Variants in MYO3A observed in about 807,000 individuals in gnomAD.
MYO3A encodes the protein myosin IIIA.
Under a neutral mutation model 192.7 loss-of-function variants are expected in MYO3A, and 180 were observed. The observed-to-expected ratio is 0.93, with a 90% CI of 0.83 to 1.06. The LOEUF (loss-of-function observed/expected upper bound fraction) is 1.06. Among genes scored for constraint, MYO3A ranks in the 50% least tolerant of loss-of-function variants. MYO3A has a pLI of 0.00. For missense variants in MYO3A, 1,896 were observed against 1,905.0 expected (o/e 1.00, Z 0.09); for synonymous variants, 628 against 645.3 (o/e 0.97, Z 0.41).
In MYO3A at chr10:25,988,414, GA is replaced by G. The variant is rs533472844; in HGVS notation, c.304-8073del. 3.0e-3 allele frequency among the ~76,000 whole-genome samples: 459 copies of G among 152,132 alleles called. 1 individual carries two copies. The highest frequency in any genetic ancestry group is 5.0e-3 in the Non-Finnish European group (343 of 67,984). Reference sequence around the variant, plus strand: ...AATAAAAAAATAGAATGGCTTTAATGAAACACCTCACAATGTCAAGTGCTGA... The same window carrying G: ...AATAAAAAAATAGAATGGCTTTAATGAACACCTCACAATGTCAAGTGCTGA... On this transcript the variant is annotated intron_variant, in intron 4 of 34. Transcript: ENST00000642920.
rs991551754 is a variant in MYO3A, at chr10:26,094,892, G to A, written c.1563-1489G>A. On this transcript the variant is annotated intron_variant, in intron 15 of 34. Transcript: ENST00000642920. ...CATATCATGAAGTGGGCTTTTTTCC[G>A]TTCCATGTACTTCATATGGAAAAGA... Among the ~76,000 whole-genome samples, 15 of 152,028 alleles carry A rather than the reference G, an allele frequency of 9.9e-5. 1 individual carries two copies. Among genetic ancestry groups the A allele is most frequent in the Non-Finnish European group, 1.6e-4 (11 of 68,008 alleles).
At chr10:26,191,144 A>G (rs915471910) in intron 31 of MYO3A, among the ~76,000 whole-genome samples, 1 of 152,236 alleles carries the variant, frequency 6.6e-6, no homozygotes. Flanking sequence ...CTTGCCATTC[A>G]GATTCAAATG....
In MYO3A at chr10:26,077,233, G is replaced by GTTTTTTTTTTTTTTTTTTTTTTTTTTTT. The variant is rs34464120; in HGVS notation, c.1359+6854_1359+6855insTTTTTTTTTTTTTTTTTTTTTTTTTTTT. ...CTCCTTGGTTAGGTATATTCCTAAG[G>GTTTTTTTTTTTTTTTTTTTTTTTTTTTT]TTTTTTTTTTTTTTTTTTTTTTGCA... is the stretch of plus-strand genomic sequence containing the variant. On this transcript the variant is annotated intron_variant, in intron 14 of 34. Coordinates refer to ENST00000642920, the MANE Select transcript of MYO3A (RefSeq NM_017433.5). 5.5e-4 allele frequency among the ~76,000 whole-genome samples: 20 copies of GTTTTTTTTTTTTTTTTTTTTTTTTTTTT among 36,294 alleles called. 4 individuals carry two copies. The highest frequency in any genetic ancestry group is 5.8e-4 in the Non-Finnish European group (11 of 19,038). The allele number at this position is 36,294 out of a possible 152,430, so 23.8% of individuals were successfully genotyped here. A position where few individuals can be genotyped will look rare whatever the true frequency, so the allele number is the denominator to read the frequency against.
At chr10:25,983,211 C>T (rs1414569230) in intron 4 of MYO3A, among the ~76,000 whole-genome samples, 2 of 151,120 alleles carry the variant, frequency 1.3e-5, no homozygotes, top group African/African-American at 4.9e-5. Flanking sequence ...AACTTCAGAG[C>T]TTGAAAACAA....
intron 2 of MYO3A, among the ~76,000 whole-genome samples, chr10:25,943,247 A>G (rs951128568): frequency 2.2e-4 from 33 of 151,958 alleles, no homozygotes; most frequent in Middle Eastern, 3.4e-3. Context: ...ATTTCACTCT[A>G]TTTGTCTATG....
intron 10 of MYO3A, among the ~76,000 whole-genome samples, chr10:26,049,673 C>CTTTTTTTTTTTTTTTTTTTTT (rs66467075): frequency 4.3e-5 from 3 of 69,114 alleles, no homozygotes; most frequent in Non-Finnish European, 3.0e-5. Flanking sequence ...TTCTTTCTTT[C>CTTTTTTTTTTTTTTTTTTTTT]TTTTTTTTTT....
At chr10:26,128,575 C>T (rs373048650) in intron 20 of MYO3A, 37 bp downstream of exon 20, 1 of 1,565,698 alleles carries the variant, frequency 6.4e-7, no homozygotes, top group East Asian at 2.2e-5. Context: ...TGCATGCATG[C>T]ATGTATTATA....
chr10:26,002,115 C>T (rs1056310441), intron 6 of MYO3A, among the ~76,000 whole-genome samples: 2 of 152,144 alleles, frequency 1.3e-5, no homozygotes, highest in African/African-American at 4.8e-5. Flanking sequence ...TGGGCATGAG[C>T]TTGGGGAAAA....
rs913417568 is a variant in MYO3A, at chr10:26,049,101, C to T, written c.954-17874C>T. ...CTGAACATTCAAGAAAATAGTGTAACATTGAATTTGGCCCCACAGAGTTAT... is the reference window on the plus strand; with the variant it reads ...CTGAACATTCAAGAAAATAGTGTAATATTGAATTTGGCCCCACAGAGTTAT... On this transcript the variant is annotated intron_variant, in intron 10 of 34. Transcript: ENST00000642920. Among the ~76,000 whole-genome samples the T allele has an allele frequency of 3.9e-5, 6 of 152,264 alleles. No individual in the cohort carries two copies. The East Asian group carries it at 1.2e-3, about 29-fold the overall frequency.
intron 34 of MYO3A, 82 bp from the exon 35 acceptor site, chr10:26,211,761 G>A (rs1484194934): frequency 1.3e-6 from 2 of 1,593,954 alleles, no homozygotes; most frequent in East Asian, 4.5e-5. Flanking sequence ...GGGAGGAAGA[G>A]GACCCGCCTA....
chr10:26,168,959 C>A, intron 28 of MYO3A, 85 bp downstream of exon 28: 1 of 1,365,424 alleles, frequency 7.3e-7, no homozygotes, highest in Non-Finnish European at 1.0e-6. Context: ...TCTTGTGTAG[C>A]TTTTGTGTTT....
intron 10 of MYO3A, among the ~76,000 whole-genome samples, chr10:26,065,447 G>C (rs576313684): frequency 6.6e-6 from 1 of 151,784 alleles, no homozygotes; most frequent in African/African-American, 2.4e-5. Flanking sequence ...TTAGCTGAGC[G>C]TGGTGGCCAC....
chr10:26,009,598 A>G (rs1194530567), intron 6 of MYO3A, among the ~76,000 whole-genome samples: 4 of 152,142 alleles, frequency 2.6e-5, no homozygotes, highest in African/African-American at 9.7e-5. Context: ...TTATGTTGCT[A>G]TCAAGTTCAC....
At chr10:26,010,048 G>A (rs1841523968) in intron 6 of MYO3A, among the ~76,000 whole-genome samples, 1 of 152,208 alleles carries the variant, frequency 6.6e-6, no homozygotes, top group Non-Finnish European at 1.5e-5. Context: ...ATTGAATGAT[G>A]CAGACAGAGC....
intron 14 of MYO3A, among the ~76,000 whole-genome samples, chr10:26,084,681 C>T (rs1266728137): frequency 2.0e-5 from 3 of 152,062 alleles, no homozygotes; most frequent in African/African-American, 4.8e-5. Flanking sequence ...TTTTATAATT[C>T]GTTGTACAGA....
chr10:26,033,695 A>G (rs528919793), intron 10 of MYO3A, among the ~76,000 whole-genome samples: 1 of 152,310 alleles, frequency 6.6e-6, no homozygotes, highest in East Asian at 1.9e-4. Flanking sequence ...AGTAAACAGG[A>G]TAAGACAAGA....
At chr10:26,136,471 A>G (rs1839852347) in intron 20 of MYO3A, among the ~76,000 whole-genome samples, 1 of 152,242 alleles carries the variant, frequency 6.6e-6, no homozygotes, top group South Asian at 2.1e-4. Context: ...GAAAGATGTC[A>G]CGAGCCAAAG....
intron 15 of MYO3A, among the ~76,000 whole-genome samples, chr10:26,089,315 A>T (rs12773851): frequency 0.14 from 21,803 of 152,062 alleles, 1,785 homozygotes; most frequent in East Asian, 0.31. Context: ...AAAAATATGG[A>T]AGGAGGCCGG....
intron 6 of MYO3A, among the ~76,000 whole-genome samples, chr10:26,002,074 T>C (rs770487722): frequency 5.9e-5 from 9 of 152,208 alleles, no homozygotes; most frequent in Non-Finnish European, 1.2e-4. Flanking sequence ...ATTTATTGAA[T>C]TTAACTGAGC....
Sources: allele counts gnomAD v4.1 joint callset (sites outside exome capture counted in the v4.1 genomes callset), GRCh38; gene constraint gnomAD v4.1.1; transcripts MANE v1.5; gene names NCBI Gene and HGNC (gene_info 2026-07-23, HGNC 2026-07-21).